The following COL5A2 variants were observed in gnomAD, a reference collection of about 807,000 sequenced individuals.
COL5A2 encodes collagen type V alpha 2 chain.
COL5A2 carries 23 observed loss-of-function variants against 208.2 expected under a neutral mutation model. The ratio of observed to expected loss-of-function variants is 0.11; its 90% CI spans 0.08 to 0.16. The LOEUF (loss-of-function observed/expected upper bound fraction) is 0.16. Ranked by LOEUF, COL5A2 falls within the 10% of genes least tolerant of loss-of-function variation. The probability of loss-of-function intolerance (pLI) is 1.00; values close to 1 mark genes in which losing one functional copy is unlikely to be tolerated. For synonymous variants in COL5A2, 625 were observed against 628.5 expected, an observed-to-expected ratio of 0.99 and a Z score of 0.08; for missense variants, 1,590 against 1,956.4, an observed-to-expected ratio of 0.81 and a Z score of 3.53.
intron 35 of COL5A2, chr2:189,056,700 AGAT>A: frequency 3.9e-6 from 2 of 507,294 alleles, no homozygotes; most frequent in South Asian, 4.4e-5. Flanking sequence ...TGAAATAAAA[AGAT>A]GATAGAGAAA....
At chr2:189,416,413 G>GTA in the COL5A2 span, among the ~76,000 whole-genome samples, 1 of 152,172 alleles carries the variant, frequency 6.6e-6, no homozygotes, top group African/African-American at 2.4e-5. Context: ...CCTTTGTAGG[G>GTA]ACATGGATGA....
At chr2:189,309,043 T>C in the COL5A2 span, among the ~76,000 whole-genome samples, 1 of 152,200 alleles carries the variant, frequency 6.6e-6, no homozygotes, top group Non-Finnish European at 1.5e-5. Flanking sequence ...GCAGCTCTGC[T>C]TCAAGTAGTG....
In COL5A2 at chr2:189,173,929, A is replaced by C. The variant is rs530864071; in HGVS notation, c.97+5579T>G. ...ACCCTTACTATATCTCTAATGTATA[A>C]ATCTAAGCTTTTCAATGTTGTGATC... On this transcript the variant is annotated intron_variant, in intron 1 of 53. Transcript: ENST00000374866. Among the ~76,000 whole-genome samples the C allele has an allele frequency of 5.9e-5, 9 of 152,312 alleles. No individual in the cohort carries two copies. The East Asian group carries it at 1.7e-3, about 29-fold the overall frequency.
At chr2:189,241,211 T>G in the COL5A2 span, among the ~76,000 whole-genome samples, 1 of 152,172 alleles carries the variant, frequency 6.6e-6, no homozygotes, top group African/African-American at 2.4e-5. Flanking sequence ...TTTTTTCCCT[T>G]AATTACTATT....
the COL5A2 span, among the ~76,000 whole-genome samples, chr2:189,440,855 A>AAC: frequency 6.6e-6 from 1 of 152,200 alleles, no homozygotes; most frequent in South Asian, 2.1e-4. Context: ...AGCTACACTG[A>AAC]ACGCTGCGGA....
At chr2:189,071,908 G>T in intron 18 of COL5A2, 132 bp downstream of exon 18, 5 of 598,888 alleles carry the variant, frequency 8.3e-6, no homozygotes, top group South Asian at 2.3e-5. Flanking sequence ...AATGAAAAAT[G>T]AGCATACTCT....
rs765890012 is a variant in COL5A2, at chr2:189,068,024, T to A, written c.1392A>T (p.Arg464=). 4.3e-6 allele frequency: 7 copies of A among 1,613,900 alleles called. No individual in the cohort carries two copies. Among genetic ancestry groups the A allele is most frequent in the Non-Finnish European group, 5.1e-6 (6 of 1,179,838 alleles). ...PQGSTGPQGI[R]GQPGDPGVPG... ...TTTCAAAGGTCATTACCGGTTGGCC[T>A]CGAATTCCCTGAGGACCAGTGCTAC... Residue 464 remains arginine (R), a synonymous_variant, in exon 21 of 54, where the codon CGA becomes CGT. Transcript: ENST00000374866.
the COL5A2 span, among the ~76,000 whole-genome samples, chr2:189,357,078 A>G: frequency 2.6e-5 from 4 of 152,172 alleles, no homozygotes; most frequent in Non-Finnish European, 5.9e-5. Flanking sequence ...AGAACAGCAG[A>G]GATTGCTATC....
Position 189,052,975 on chromosome 2 carries a change from G to A in COL5A2, c.2597C>T (p.Pro866Leu), listed in dbSNP as rs143261719. The A allele has an allele frequency of 5.6e-6, 9 of 1,614,070 alleles. No individual in the cohort carries two copies. Among genetic ancestry groups the A allele is most frequent in the Non-Finnish European group, 7.6e-6 (9 of 1,179,994 alleles). ...AGAACCAGCATCTCCCTTCTGTCCT[G>A]GCTCTCCAGGTTCACCTTTTACTCC... ...QPGVKGEPGE[P>L]GQKGDAGSPG... The change falls in exon 39 of 54, where the codon CCA becomes CTA. Residue 866 changes from proline to leucine, a missense_variant. Transcript: ENST00000374866.
At chr2:189,149,141 T>C (rs1688097134) in intron 1 of COL5A2, among the ~76,000 whole-genome samples, 2 of 152,076 alleles carry the variant, frequency 1.3e-5, no homozygotes, top group Admixed American at 1.3e-4. Context: ...CTCATTGTAC[T>C]CCAATAAAAG....
the COL5A2 span, among the ~76,000 whole-genome samples, chr2:189,283,660 C>G: frequency 6.6e-6 from 1 of 151,768 alleles, no homozygotes; most frequent in East Asian, 1.9e-4. Flanking sequence ...AAATTTGAAT[C>G]AAGTATGAAC....
chr2:189,342,152 T>C, the COL5A2 span, among the ~76,000 whole-genome samples: 2 of 150,188 alleles, frequency 1.3e-5, no homozygotes, highest in African/African-American at 2.4e-5. Flanking sequence ...CTCTAGATCA[T>C]TATAGGTAAG....
chr2:189,406,355 G>C, the COL5A2 span, among the ~76,000 whole-genome samples: 1 of 152,066 alleles, frequency 6.6e-6, no homozygotes, highest in Non-Finnish European at 1.5e-5. Context: ...CTCCATCTTT[G>C]GGATAATACC....
the COL5A2 span, among the ~76,000 whole-genome samples, chr2:189,412,893 G>A: frequency 1.4e-4 from 22 of 152,304 alleles, no homozygotes; most frequent in East Asian, 3.9e-3. Context: ...GCAGTGAGTC[G>A]TAAAGAAAAC....
chr2:189,277,455 A>G, the COL5A2 span, among the ~76,000 whole-genome samples: 1 of 152,092 alleles, frequency 6.6e-6, no homozygotes, highest in Non-Finnish European at 1.5e-5. Context: ...CGGGTCAATC[A>G]CCATAAATTG....
At chr2:189,043,057 T>C (rs2153506986) in intron 48 of COL5A2, 94 bp downstream of exon 48, 1 of 923,192 alleles carries the variant, frequency 1.1e-6, no homozygotes, top group East Asian at 2.6e-5. Context: ...GATACAAACA[T>C]ATCCACCTAT....
chr2:189,051,256 T>C, intron 42 of COL5A2, 64 bp downstream of exon 42: 3 of 1,604,508 alleles, frequency 1.9e-6, no homozygotes, highest in Non-Finnish European at 8.5e-7. Flanking sequence ...ACACTGATCA[T>C]TATGGGTTTC....
At chr2:189,125,442 G>C (rs942357260) in intron 1 of COL5A2, among the ~76,000 whole-genome samples, 6 of 152,042 alleles carry the variant, frequency 3.9e-5, no homozygotes, top group African/African-American at 1.4e-4. Flanking sequence ...GAGCAACACA[G>C]GTTTGAACTG....
At chr2:189,210,191 T>A (rs1433477052) in intron 1 of COL5A2, among the ~76,000 whole-genome samples, 1 of 152,152 alleles carries the variant, frequency 6.6e-6, no homozygotes, top group Non-Finnish European at 1.5e-5. Context: ...CAACTGTTTC[T>A]TTTTTCTTCT....
Sources: gnomAD v4.1 joint callset for allele counts (sites outside exome capture counted in the v4.1 genomes callset) on GRCh38, gnomAD v4.1.1 for gene constraint, MANE v1.5 for transcripts, NCBI Gene and HGNC (gene_info 2026-07-23, HGNC 2026-07-21) for gene names.